SOX6: variants seen among roughly 807,000 people sequenced by gnomAD.
The protein encoded by SOX6 is SRY-box transcription factor 6, also known as transcription factor SOX-6.
A neutral mutation model predicts 97.8 loss-of-function variants in SOX6; 11 were observed. The observed-to-expected ratio is 0.11, with a 90% CI of 0.07 to 0.19. The LOEUF (loss-of-function observed/expected upper bound fraction) is 0.19, where lower values mean the gene tolerates loss of function less well. Ranked by LOEUF, SOX6 falls within the 10% of genes least tolerant of loss-of-function variation. The pLI is 1.00. For missense variants in SOX6, 810 were observed against 1,039.5 expected, an observed-to-expected ratio of 0.78 and a Z score of 3.04; for synonymous variants, 360 against 371.4, an observed-to-expected ratio of 0.97 and a Z score of 0.35.
chr11:16,423,086 C>T (rs967159155), intron 1 of SOX6, among the ~76,000 whole-genome samples: 1 of 152,180 alleles, frequency 6.6e-6, no homozygotes, highest in Non-Finnish European at 1.5e-5. Flanking sequence ...TGAGGAACTA[C>T]CTAACCTGGC....
chr11:16,056,842 A>T (rs554562234), intron 9 of SOX6, among the ~76,000 whole-genome samples: 1 of 152,330 alleles, frequency 6.6e-6, no homozygotes, highest in East Asian at 1.9e-4. Context: ...CACTAAATTA[A>T]AGCCAAAGAT....
intron 4 of SOX6, among the ~76,000 whole-genome samples, chr11:16,526,115 C>T (rs1039391346): frequency 2.6e-4 from 40 of 152,170 alleles, no homozygotes; most frequent in African/African-American, 9.6e-4. Flanking sequence ...ACCATTTGAC[C>T]CAGCCATCCC....
chr11:16,088,059 C>T (rs886471790), intron 9 of SOX6, among the ~76,000 whole-genome samples: 5 of 152,026 alleles, frequency 3.3e-5, no homozygotes, highest in Non-Finnish European at 5.9e-5. Context: ...GCATATAATA[C>T]GTGCTAAAAA....
intron 3 of SOX6, among the ~76,000 whole-genome samples, chr11:16,290,476 A>G (rs1028658193): frequency 1.4e-4 from 21 of 152,102 alleles, no homozygotes; most frequent in Non-Finnish European, 2.9e-4. Flanking sequence ...TAAAACCTGT[A>G]TAAATGACAG....
At chr11:16,150,412 T>C (rs1213607840) in intron 6 of SOX6, among the ~76,000 whole-genome samples, 1 of 152,118 alleles carries the variant, frequency 6.6e-6, no homozygotes, top group Non-Finnish European at 1.5e-5. Context: ...GATGGGACGG[T>C]CATGAATAAC....
chr11:16,503,121 T>A (rs1279942847), intron 4 of SOX6, among the ~76,000 whole-genome samples: 1 of 152,084 alleles, frequency 6.6e-6, no homozygotes. Context: ...AAGTTATCCT[T>A]CATAAATGAA....
chr11:16,656,234 C>T (rs1029533903), intron 3 of SOX6, among the ~76,000 whole-genome samples: 5 of 152,240 alleles, frequency 3.3e-5, no homozygotes, highest in South Asian at 4.1e-4. Context: ...CATGCCACCA[C>T]GCCCAATTAA....
At chr11:16,688,247 G>A (rs1456099903) in intron 3 of SOX6, among the ~76,000 whole-genome samples, 9 of 152,146 alleles carry the variant, frequency 5.9e-5, no homozygotes, top group Admixed American at 3.9e-4. Context: ...GTGTTGGGAT[G>A]AGCCATTCTG....
intron 6 of SOX6, among the ~76,000 whole-genome samples, chr11:16,154,423 A>G (rs1407450297): frequency 6.6e-6 from 1 of 152,104 alleles, no homozygotes; most frequent in Non-Finnish European, 1.5e-5. Flanking sequence ...CCTGTGCAGT[A>G]TTCTTTTTAC....
At chr11:16,655,698 T>C (rs919989028) in intron 3 of SOX6, among the ~76,000 whole-genome samples, 18 of 152,216 alleles carry the variant, frequency 1.2e-4, no homozygotes, top group African/African-American at 4.1e-4. Flanking sequence ...TATGTTAGCA[T>C]TGCTGATCTT....
chr11:16,539,834 C>T (rs1438046818), intron 4 of SOX6, among the ~76,000 whole-genome samples: 1 of 152,028 alleles, frequency 6.6e-6, no homozygotes, highest in Admixed American at 6.6e-5. Flanking sequence ...AGTTAATAGC[C>T]TACCAACCAA....
Position 16,642,666 on chromosome 11 carries a change from A to T in SOX6, n.430-30406T>A, listed in dbSNP as rs191490732. On this transcript the variant is annotated intron_variant and non_coding_transcript_variant, in intron 3 of 5. Coordinates refer to the SOX6 transcript ENST00000524520. ...CTTCTCGCTTCATTTCATTCTTTTG[A>T]TCTTCCATCACTGATACCCTTTCTT... Among the ~76,000 whole-genome samples, 870 of 151,788 alleles carry T rather than the reference A, an allele frequency of 5.7e-3. 5 individuals are homozygous for T. The highest frequency in any genetic ancestry group is 0.011 in the Non-Finnish European group (743 of 67,914).
chr11:16,241,167 C>G (rs1485708779), intron 3 of SOX6, among the ~76,000 whole-genome samples: 4 of 151,990 alleles, frequency 2.6e-5, no homozygotes, highest in Non-Finnish European at 5.9e-5. Flanking sequence ...AAAAGCTCTC[C>G]TTTTCTGAAT....
rs543527538 is a variant in SOX6 at position 16,338,556 on chromosome 11, T to C, written c.237+2456A>G. 5.9e-5 allele frequency among the ~76,000 whole-genome samples: 9 copies of C among 152,150 alleles called. No individual in the cohort carries two copies. The South Asian group carries it at 1.9e-3, about 31-fold the overall frequency. On this transcript the variant is annotated intron_variant, in intron 2 of 15. Coordinates refer to ENST00000683767, the MANE Select transcript of SOX6 (RefSeq NM_001367873.1). ...AGGGAATTTCCAAATGCAGCTGCTATTTCCCATTTGTTAAATCCTTTTATT... is the reference window on the plus strand; with the variant it reads ...AGGGAATTTCCAAATGCAGCTGCTACTTCCCATTTGTTAAATCCTTTTATT...
chr11:16,399,401 C>A (rs979416174), intron 1 of SOX6, among the ~76,000 whole-genome samples: 1 of 150,188 alleles, frequency 6.7e-6, no homozygotes, highest in East Asian at 2.0e-4. Context: ...ACTCTATTGA[C>A]CAAGTTGGAG....
intron 3 of SOX6, among the ~76,000 whole-genome samples, chr11:16,617,683 T>C (rs986557963): frequency 1.3e-5 from 2 of 151,858 alleles, no homozygotes; most frequent in Admixed American, 6.6e-5. Context: ...TTCCAATTTC[T>C]ACCCGTTTAG....
intron 1 of SOX6, among the ~76,000 whole-genome samples, chr11:16,378,028 A>G (rs1313751852): frequency 1.3e-5 from 2 of 152,196 alleles, no homozygotes; most frequent in African/African-American, 4.8e-5. Context: ...AATTTACTCC[A>G]CAGATGTCAT....
At chr11:16,099,227 A>C (rs1007721223) in intron 7 of SOX6, among the ~76,000 whole-genome samples, 1 of 151,786 alleles carries the variant, frequency 6.6e-6, no homozygotes, top group Admixed American at 6.6e-5. Flanking sequence ...TTTGGTTTGC[A>C]GTACTATATG....
intron 12 of SOX6, chr11:16,023,094 C>A (rs1855114640): frequency 6.6e-6 from 1 of 152,112 alleles, no homozygotes; most frequent in Non-Finnish European, 1.5e-5. Flanking sequence ...CTAATTAAAA[C>A]ATCTGCTCTG....
Sources: gnomAD v4.1 joint callset for allele counts (sites outside exome capture counted in the v4.1 genomes callset) on GRCh38, gnomAD v4.1.1 for gene constraint, MANE v1.5 for transcripts, NCBI Gene and HGNC (gene_info 2026-07-23, HGNC 2026-07-21) for gene names.